SSPN: variants seen among roughly 807,000 people sequenced by gnomAD.
SSPN encodes the protein sarcospan.
SSPN carries 15 observed loss-of-function variants against 19.1 expected under a neutral mutation model. The ratio of observed to expected loss-of-function variants is 0.78; its 90% CI spans 0.52 to 1.21. The LOEUF (loss-of-function observed/expected upper bound fraction) is 1.21. Among genes scored for constraint, SSPN ranks in the 50% most tolerant of loss-of-function variants. The pLI is 0.00. For synonymous variants in SSPN, 147 were observed against 140.3 expected (o/e 1.05, Z -0.34); for missense variants, 291 against 314.0 (o/e 0.93, Z 0.55).
chr12:26,147,278 GT>G (rs375676175), intron 1 of SSPN, among the ~76,000 whole-genome samples: 34 of 146,926 alleles, frequency 2.3e-4, no homozygotes, highest in African/African-American at 8.3e-4. Flanking sequence ...TTTTTTTTGT[GT>G]TTTTTTTTTT....
At position 26,137,656 on chromosome 12, in the gene SSPN, A is replaced by T. The variant is rs866744089; in HGVS notation, c.-31+15504A>T. 2.1e-3 allele frequency among the ~76,000 whole-genome samples: 159 copies of T among 76,412 alleles called. 2 individuals are homozygous for T. The highest frequency in any genetic ancestry group is 5.4e-3 in the African/African-American group (83 of 15,266). 50.1% of individuals were successfully genotyped at this position (76,412 alleles called of 152,430 possible). On this transcript the variant is annotated intron_variant, in intron 1 of 2. Coordinates refer to the SSPN transcript ENST00000538142. ...TGTATGTATATATATATATATATAT[A>T]TTTTTTTTTTTTTTTTTTTTTTTTT...
chr12:26,212,158 A>G (rs1247231298), intron 1 of SSPN, among the ~76,000 whole-genome samples: 1 of 152,192 alleles, frequency 6.6e-6, no homozygotes, highest in Non-Finnish European at 1.5e-5. Context: ...TTGCATTATA[A>G]TTTAATTAAT....
chr12:26,148,269 T>C (rs936143369), intron 1 of SSPN, among the ~76,000 whole-genome samples: 2 of 152,240 alleles, frequency 1.3e-5, no homozygotes, highest in Non-Finnish European at 2.9e-5. Context: ...GACTAGCTTC[T>C]TCCCGAGATC....
At chr12:26,191,376 C>T (rs1219645508), upstream of SSPN, among the ~76,000 whole-genome samples, 1 of 152,116 alleles carries the variant, frequency 6.6e-6, no homozygotes, top group African/African-American at 2.4e-5. Flanking sequence ...GTCCTAGCTG[C>T]TCAGGAAGCT....
intron 1 of SSPN, among the ~76,000 whole-genome samples, chr12:26,185,539 G>C (rs1415981769): frequency 6.6e-6 from 1 of 152,186 alleles, no homozygotes; most frequent in Non-Finnish European, 1.5e-5. Context: ...GGGCAGGGGA[G>C]AAAAGAAGTG....
chr12:26,182,587 CCCTT>C (rs1565680285), intron 1 of SSPN, among the ~76,000 whole-genome samples: 89 of 28,780 alleles, frequency 3.1e-3, no homozygotes, highest in Middle Eastern at 0.016. Flanking sequence ...CCTTCCCCTT[CCCTT>C]CCCTTCCCTT....
At chr12:26,228,447 C>T (rs1191466678) in intron 2 of SSPN, among the ~76,000 whole-genome samples, 3 of 152,052 alleles carry the variant, frequency 2.0e-5, no homozygotes, top group African/African-American at 4.8e-5. Flanking sequence ...ACAAGACCCC[C>T]GCCCCCAACT....
At chr12:26,219,039 A>G (rs1945090331) in intron 1 of SSPN, among the ~76,000 whole-genome samples, 3 of 152,216 alleles carry the variant, frequency 2.0e-5, no homozygotes. Context: ...AAGTTGATTA[A>G]CTTACAGAAA....
At position 26,232,001 on chromosome 12, in the gene SSPN, C is replaced by T; in HGVS notation, c.*925C>T. The T allele has an allele frequency of 1.2e-6, 1 of 847,196 alleles. No individual in the cohort carries two copies. Among genetic ancestry groups the T allele is most frequent in the South Asian group, 6.0e-5 (1 of 16,722 alleles). The allele number at this position is 847,196 out of a possible 1,614,324, so 52.5% of individuals were successfully genotyped here. The stretch of plus-strand genomic sequence containing the variant: ...ATTCTTTCTTCTGAAAGCCAAGCAC[C>T]ACAAGGAAAAAAAAAATTATTAATA... On this transcript the variant is annotated 3_prime_UTR_variant, in exon 3 of 3. Transcript: ENST00000242729.
chr12:26,164,902 C>T (rs1010180545), intron 1 of SSPN, among the ~76,000 whole-genome samples: 1 of 152,172 alleles, frequency 6.6e-6, no homozygotes, highest in African/African-American at 2.4e-5. Flanking sequence ...CCTCTCAATC[C>T]TCCTCTTCAG....
At chr12:26,169,195 T>G (rs1323287613) in intron 1 of SSPN, among the ~76,000 whole-genome samples, 2 of 148,314 alleles carry the variant, frequency 1.3e-5, no homozygotes, top group African/African-American at 5.0e-5. Flanking sequence ...TTCTACTAAC[T>G]TTTTTTTTTG....
rs1008675042 is a variant in SSPN at position 26,123,958 on chromosome 12, A to G, written c.-31+1806A>G. The G allele has an allele frequency of 7.0e-6, 6 of 858,018 alleles. No individual in the cohort carries two copies. The African/African-American group carries it at 8.4e-5, about 12-fold the overall frequency. The allele number at this position is 858,018 out of a possible 1,614,324, so 53.2% of individuals were successfully genotyped here. ...TGCGGGAAACTCTGTACGGTATAGC[A>G]CAAGTTTTAAGTCAGGAACTTATAT... On this transcript the variant is annotated intron_variant, in intron 1 of 2. Transcript: ENST00000538142.
At chr12:26,197,959 C>T (rs1319418827) in intron 1 of SSPN, among the ~76,000 whole-genome samples, 1 of 152,168 alleles carries the variant, frequency 6.6e-6, no homozygotes, top group Non-Finnish European at 1.5e-5. Context: ...CTAGCAGGGC[C>T]AGAATTTGGG....
intron 1 of SSPN, among the ~76,000 whole-genome samples, chr12:26,173,000 C>T (rs1944662903): frequency 6.6e-6 from 1 of 152,160 alleles, no homozygotes; most frequent in Admixed American, 6.5e-5. Context: ...AACTAGCTCT[C>T]TTCTGTTTGC....
chr12:26,143,107 AT>A (rs1944470120), intron 1 of SSPN, among the ~76,000 whole-genome samples: 1 of 152,226 alleles, frequency 6.6e-6, no homozygotes, highest in Non-Finnish European at 1.5e-5. Context: ...CACATATTAC[AT>A]TTATGACAAA....
chr12:26,152,612 C>T (rs1944532200), intron 1 of SSPN, among the ~76,000 whole-genome samples: 1 of 152,148 alleles, frequency 6.6e-6, no homozygotes. Flanking sequence ...GACCACTTCC[C>T]TACTGCAACA....
intron 1 of SSPN, chr12:26,211,674 A>G (rs187688940): frequency 1.3e-5 from 2 of 152,324 alleles, no homozygotes; most frequent in Admixed American, 6.5e-5. Context: ...CTAATATCCT[A>G]TAAAGCAACA....
chr12:26,190,943 C>A (rs540349175), upstream of SSPN, among the ~76,000 whole-genome samples: 26 of 152,194 alleles, frequency 1.7e-4, no homozygotes, highest in Non-Finnish European at 3.7e-4. Flanking sequence ...ACTCCTCAAT[C>A]ACTTTTTAAA....
In SSPN at chr12:26,195,641, GCA is replaced by G; in HGVS notation, c.-30_-29del. The G allele has an allele frequency of 9.0e-7, 1 of 1,105,402 alleles. No individual in the cohort carries two copies. Among genetic ancestry groups the G allele is most frequent in the Non-Finnish European group, 1.1e-6 (1 of 878,120 alleles). The allele number at this position is 1,105,402 out of a possible 1,614,324, so 68.5% of individuals were successfully genotyped here. On this transcript the variant is annotated 5_prime_UTR_variant, in exon 1 of 3. Transcript: ENST00000242729. Reference sequence around the variant, plus strand: ...CTCCAGGGCCCAGGGCGCCGCACACGCACCCACCCACCCACCCAGCCTCGCAG... The same window carrying G: ...CTCCAGGGCCCAGGGCGCCGCACACGCCCACCCACCCACCCAGCCTCGCAG...
Sources: gnomAD v4.1 joint callset for allele counts (sites outside exome capture counted in the v4.1 genomes callset) on GRCh38, gnomAD v4.1.1 for gene constraint, MANE v1.5 for transcripts, NCBI Gene and HGNC (gene_info 2026-07-23, HGNC 2026-07-21) for gene names.